Variants in ARHGAP22 observed in about 807,000 individuals in gnomAD.
ARHGAP22 encodes the protein Rho GTPase activating protein 22.
A neutral mutation model predicts 59.1 loss-of-function variants in ARHGAP22; 48 were observed. The observed-to-expected ratio is 0.81, with a 90% confidence interval of 0.64 to 1.03. ARHGAP22 has a LOEUF of 1.03. Among genes scored for constraint, ARHGAP22 ranks in the 50% least tolerant of loss-of-function variants. The pLI, the probability that ARHGAP22 is intolerant of heterozygous loss-of-function variation, is 0.00. For missense variants in ARHGAP22, 1,015 were observed against 958.7 expected, an observed-to-expected ratio of 1.06 and a Z score of -0.78; for synonymous variants, 445 against 416.4, an observed-to-expected ratio of 1.07 and a Z score of -0.84.
At chr10:48,517,850 G>A (rs934772619) in intron 3 of ARHGAP22, among the ~76,000 whole-genome samples, 5 of 152,158 alleles carry the variant, frequency 3.3e-5, no homozygotes, top group South Asian at 2.1e-4. Context: ...ATCGAGTTAC[G>A]CTTGTTTCCC....
At chr10:48,572,344 A>AC (rs1554923366) in intron 2 of ARHGAP22, among the ~76,000 whole-genome samples, 1 of 152,164 alleles carries the variant, frequency 6.6e-6, no homozygotes, top group Non-Finnish European at 1.5e-5. Flanking sequence ...TGACTAACTG[A>AC]CCCCCAACCC....
At chr10:48,621,807 C>T (rs1478274146) in intron 1 of ARHGAP22, among the ~76,000 whole-genome samples, 2 of 152,108 alleles carry the variant, frequency 1.3e-5, no homozygotes, top group African/African-American at 4.8e-5. Flanking sequence ...TCTGGTTTTG[C>T]TTCATGGACT....
the ARHGAP22 span, chr10:48,436,467 C>A: frequency 3.9e-5 from 6 of 152,088 alleles, no homozygotes; most frequent in African/African-American, 1.4e-4. Flanking sequence ...GACCCAGGCA[C>A]CTTTTAAATT....
At chr10:48,597,014 AC>A (rs1226673922) in intron 1 of ARHGAP22, among the ~76,000 whole-genome samples, 3 of 151,874 alleles carry the variant, frequency 2.0e-5, no homozygotes, top group African/African-American at 7.3e-5. Context: ...ATCCTGACTC[AC>A]TTTTGAAGCA....
intron 3 of ARHGAP22, among the ~76,000 whole-genome samples, chr10:48,491,702 G>A (rs1480099213): frequency 6.6e-6 from 1 of 152,258 alleles, no homozygotes; most frequent in Non-Finnish European, 1.5e-5. Context: ...CGCGTAAGGC[G>A]GGCATGACAC....
At chr10:48,633,528 C>A (rs2061699733) in intron 1 of ARHGAP22, among the ~76,000 whole-genome samples, 1 of 152,168 alleles carries the variant, frequency 6.6e-6, no homozygotes, top group Non-Finnish European at 1.5e-5. Context: ...ACATGTAATC[C>A]TTATTACAGT....
intron 3 of ARHGAP22, among the ~76,000 whole-genome samples, chr10:48,536,979 G>A (rs2055417229): frequency 1.3e-5 from 2 of 151,724 alleles, no homozygotes; most frequent in Non-Finnish European, 2.9e-5. Flanking sequence ...TCTTTGCCAG[G>A]CCACTCAATA....
intron 4 of ARHGAP22, among the ~76,000 whole-genome samples, chr10:48,465,420 C>A (rs1201032955): frequency 3.9e-5 from 6 of 152,254 alleles, no homozygotes; most frequent in Non-Finnish European, 8.8e-5. Context: ...CCTCTATGAC[C>A]CTGGGCACTG....
At chr10:48,510,462 C>G (rs2052643608) in intron 3 of ARHGAP22, 1 of 152,268 alleles carries the variant, frequency 6.6e-6, no homozygotes, top group Non-Finnish European at 1.5e-5. Context: ...GAAAGCGGTG[C>G]CTGACCCCAC....
At chr10:48,436,568 T>G in the ARHGAP22 span, 5 of 152,232 alleles carry the variant, frequency 3.3e-5, no homozygotes, top group African/African-American at 1.2e-4. Flanking sequence ...CCCTTGGAAT[T>G]TGTGACCAAC....
At chr10:48,553,879 C>G (rs944853103) in intron 3 of ARHGAP22, among the ~76,000 whole-genome samples, 5 of 152,170 alleles carry the variant, frequency 3.3e-5, no homozygotes, top group African/African-American at 1.2e-4. Context: ...GTGTGTTGAC[C>G]TCTACCTTCT....
At chr10:48,614,418 G>A (rs1011350672) in intron 1 of ARHGAP22, among the ~76,000 whole-genome samples, 7 of 152,148 alleles carry the variant, frequency 4.6e-5, no homozygotes, top group African/African-American at 1.7e-4. Flanking sequence ...TCCAGTTCCA[G>A]GAACATTATG....
At chr10:48,444,541 G>A (rs1589374088), downstream of ARHGAP22, 2 of 152,320 alleles carry the variant, frequency 1.3e-5, no homozygotes, top group African/African-American at 4.8e-5. Flanking sequence ...TCCCTACTGG[G>A]GACTCAGCAG....
intron 1 of ARHGAP22, among the ~76,000 whole-genome samples, chr10:48,620,157 G>C (rs2136025262): frequency 6.6e-6 from 1 of 152,236 alleles, no homozygotes; most frequent in South Asian, 2.1e-4. Context: ...CAAAGTCTTG[G>C]GAAAGAATGA....
In ARHGAP22 at chr10:48,459,668, C is replaced by A; in HGVS notation, c.659+16G>T. ...ATGGACAAATGGCTCCACCTTACCC[C>A]CGATCACAAGCTCACCTGTCAAACA... On this transcript the variant is annotated intron_variant, in intron 5 of 9. Transcript: ENST00000249601. 6.2e-7 allele frequency: 1 copy of A among 1,613,836 alleles called. No homozygotes were observed. The highest frequency in any genetic ancestry group is 8.5e-7 in the Non-Finnish European group (1 of 1,179,744).
At chr10:48,534,601 G>C (rs375223904) in intron 3 of ARHGAP22, among the ~76,000 whole-genome samples, 1 of 152,222 alleles carries the variant, frequency 6.6e-6, no homozygotes, top group African/African-American at 2.4e-5. Flanking sequence ...TGGCATACAC[G>C]CCACTTACTG....
intron 3 of ARHGAP22, among the ~76,000 whole-genome samples, chr10:48,509,245 C>T (rs1420944779): frequency 6.6e-6 from 1 of 152,130 alleles, no homozygotes; most frequent in African/African-American, 2.4e-5. Context: ...AGGATGTGCT[C>T]CTGGCCAGCG....
chr10:48,460,057 G>A (rs528149692), intron 4 of ARHGAP22, among the ~76,000 whole-genome samples, 166 bp from the exon 5 acceptor site: 15 of 152,128 alleles, frequency 9.9e-5, no homozygotes, highest in Non-Finnish European at 1.5e-4. Context: ...CTGGCCGCCC[G>A]GACACATGCT....
chr10:48,548,176 C>T (rs572679623), intron 3 of ARHGAP22, among the ~76,000 whole-genome samples: 31 of 152,298 alleles, frequency 2.0e-4, no homozygotes, highest in Middle Eastern at 3.4e-3. Context: ...ACCACCCGCT[C>T]GCCCCTCCCA....
Sources: allele counts gnomAD v4.1 joint callset (sites outside exome capture counted in the v4.1 genomes callset), GRCh38; gene constraint gnomAD v4.1.1; transcripts MANE v1.5; gene names NCBI Gene and HGNC (gene_info 2026-07-23, HGNC 2026-07-21).